GALNT13: variants seen among roughly 807,000 people sequenced by gnomAD.
GALNT13 encodes UDP-GalNAc:polypeptide N-acetylgalactosaminyltransferase 13.
A neutral mutation model predicts 64.2 loss-of-function variants in GALNT13; 28 were observed. That is an observed-to-expected ratio of 0.44 (90% CI 0.32 to 0.60). GALNT13 has a LOEUF of 0.60. Ranked by LOEUF, GALNT13 falls within the 20% of genes least tolerant of loss-of-function variation. GALNT13 has a pLI of 0.05. For synonymous variants in GALNT13, 214 were observed against 224.6 expected, an observed-to-expected ratio of 0.95 and a Z score of 0.42; for missense variants, 577 against 669.8, an observed-to-expected ratio of 0.86 and a Z score of 1.53.
the GALNT13 span, among the ~76,000 whole-genome samples, chr2:153,095,729 G>C: frequency 1.3e-5 from 2 of 152,046 alleles, no homozygotes; most frequent in East Asian, 1.9e-4. Context: ...GAGTTCATGT[G>C]CTTTGTAGGG....
intron 4 of GALNT13, among the ~76,000 whole-genome samples, chr2:154,146,512 A>C (rs1187634827): frequency 6.6e-6 from 1 of 152,102 alleles, no homozygotes; most frequent in East Asian, 1.9e-4. Context: ...AGTAATGTTA[A>C]GTATAAAGGA....
chr2:153,920,903 T>C (rs140891995), intron 2 of GALNT13, among the ~76,000 whole-genome samples: 6 of 152,240 alleles, frequency 3.9e-5, no homozygotes, highest in African/African-American at 1.4e-4. Flanking sequence ...ATTTGAGAAA[T>C]GCAGATCAAA....
rs1701879227 is a variant in GALNT13, at chr2:154,451,759, A to T, written c.*1208A>T. On this transcript the variant is annotated 3_prime_UTR_variant, in exon 13 of 13. Coordinates refer to ENST00000392825, the MANE Select transcript of GALNT13 (RefSeq NM_052917.4). Reference sequence around the variant, plus strand: ...TAGCAGAGGCCATGAAAGTGAAAAAAAATCAGATTTTTGCTAGTAAGTTTT... The same window carrying T: ...TAGCAGAGGCCATGAAAGTGAAAAATAATCAGATTTTTGCTAGTAAGTTTT... The T allele has an allele frequency of 6.6e-6, 1 of 152,130 alleles. No homozygotes were observed. The highest frequency in any genetic ancestry group is 6.6e-5 in the Admixed American group (1 of 15,228). The allele number at this position is 152,130 out of a possible 1,614,324, so 9.4% of individuals were successfully genotyped here.
chr2:153,495,363 C>A, the GALNT13 span, among the ~76,000 whole-genome samples: 1 of 152,018 alleles, frequency 6.6e-6, no homozygotes, highest in South Asian at 2.1e-4. Context: ...AATAAAAAGA[C>A]TAATTCATTT....
chr2:154,419,877 A>G (rs1042045580), intron 11 of GALNT13, among the ~76,000 whole-genome samples: 2 of 152,154 alleles, frequency 1.3e-5, no homozygotes, highest in Non-Finnish European at 2.9e-5. Context: ...AAATAGTAGG[A>G]CAAAATATTA....
At chr2:153,347,983 T>C in the GALNT13 span, among the ~76,000 whole-genome samples, 1 of 152,200 alleles carries the variant, frequency 6.6e-6, no homozygotes, top group African/African-American at 2.4e-5. Flanking sequence ...TAATTAGGTT[T>C]TTCTGAAGCA....
At chr2:154,197,420 G>A (rs1686937974) in intron 4 of GALNT13, among the ~76,000 whole-genome samples, 2 of 152,072 alleles carry the variant, frequency 1.3e-5, no homozygotes, top group Non-Finnish European at 1.5e-5. Context: ...GGTGGTAAAG[G>A]ATGGACTTTT....
At chr2:154,216,600 T>C (rs150630103) in intron 4 of GALNT13, among the ~76,000 whole-genome samples, 29 of 152,208 alleles carry the variant, frequency 1.9e-4, no homozygotes, top group African/African-American at 7.0e-4. Flanking sequence ...ATCAAGATGG[T>C]CTAAAATATT....
At chr2:153,223,961 C>T in the GALNT13 span, among the ~76,000 whole-genome samples, 2 of 151,876 alleles carry the variant, frequency 1.3e-5, no homozygotes, top group African/African-American at 4.8e-5. Context: ...CAGAGTGAGA[C>T]TCTGTCTCAA....
chr2:153,776,501 A>G, the GALNT13 span, among the ~76,000 whole-genome samples: 7 of 152,184 alleles, frequency 4.6e-5, no homozygotes, highest in Non-Finnish European at 7.3e-5. Flanking sequence ...GCTTCACTAC[A>G]GCTATTAAGT....
intron 3 of GALNT13, among the ~76,000 whole-genome samples, chr2:154,005,215 A>G (rs1558902320): frequency 6.6e-6 from 1 of 152,214 alleles, no homozygotes. Flanking sequence ...AATTGCTGTT[A>G]TATTGGTATT....
intron 3 of GALNT13, among the ~76,000 whole-genome samples, chr2:154,063,175 T>C (rs1208079759): frequency 6.6e-6 from 1 of 152,168 alleles, no homozygotes; most frequent in African/African-American, 2.4e-5. Flanking sequence ...CAATCCCTTA[T>C]ATATATCACA....
chr2:153,902,036 A>G (rs1237071860), intron 2 of GALNT13, among the ~76,000 whole-genome samples: 1 of 152,106 alleles, frequency 6.6e-6, no homozygotes, highest in African/African-American at 2.4e-5. Flanking sequence ...TTTACATCAC[A>G]CTGGCCACAT....
At chr2:153,341,301 C>T in the GALNT13 span, among the ~76,000 whole-genome samples, 3 of 152,172 alleles carry the variant, frequency 2.0e-5, no homozygotes, top group Non-Finnish European at 2.9e-5. Flanking sequence ...TCTGAAAGGT[C>T]TAGCTAACAG....
intron 11 of GALNT13, among the ~76,000 whole-genome samples, chr2:154,432,494 G>A (rs1196304155): frequency 6.6e-6 from 1 of 152,170 alleles, no homozygotes; most frequent in African/African-American, 2.4e-5. Flanking sequence ...TGCAAACTAG[G>A]TTGCTTAATA....
the GALNT13 span, chr2:153,172,171 A>G: frequency 6.6e-6 from 1 of 152,196 alleles, no homozygotes; most frequent in African/African-American, 2.4e-5. Flanking sequence ...ACCAATCTAT[A>G]TTTGATATCC....
chr2:154,206,749 A>C (rs1687478006), intron 4 of GALNT13, among the ~76,000 whole-genome samples: 1 of 151,780 alleles, frequency 6.6e-6, no homozygotes. Context: ...GCCCCACTGC[A>C]TTCCAGCCTG....
chr2:153,924,725 GTTTT>G (rs1030984192), intron 2 of GALNT13, among the ~76,000 whole-genome samples: 1 of 151,986 alleles, frequency 6.6e-6, no homozygotes, highest in Admixed American at 6.6e-5. Flanking sequence ...AGCATCTGTT[GTTTT>G]TTTACTTTTT....
intron 9 of GALNT13, among the ~76,000 whole-genome samples, chr2:154,302,972 C>A (rs1693529051): frequency 6.6e-6 from 1 of 152,096 alleles, no homozygotes; most frequent in Non-Finnish European, 1.5e-5. Context: ...CAAAAGATGT[C>A]TTTGCAGGGC....
Sources: gnomAD v4.1 joint callset for allele counts (sites outside exome capture counted in the v4.1 genomes callset) on GRCh38, gnomAD v4.1.1 for gene constraint, MANE v1.5 for transcripts, NCBI Gene and HGNC (gene_info 2026-07-23, HGNC 2026-07-21) for gene names.